Variants in KIRREL2 observed in about 807,000 individuals in gnomAD.
KIRREL2 encodes kin of IRRE-like protein 2.
Under a neutral mutation model 73.4 loss-of-function variants are expected in KIRREL2, and 56 were observed. The observed-to-expected ratio is 0.76, with a 90% CI of 0.62 to 0.95. KIRREL2 has a LOEUF of 0.95. Ranked by LOEUF, KIRREL2 falls within the 40% of genes least tolerant of loss-of-function variation. KIRREL2 has a pLI of 0.00. For missense variants in KIRREL2, 896 were observed against 935.0 expected (o/e 0.96, Z 0.54); for synonymous variants, 407 against 404.0 (o/e 1.01, Z -0.09).
intron 2 of KIRREL2, 95 bp downstream of exon 2, chr19:35,857,589 T>G (rs1973479776): frequency 3.0e-6 from 4 of 1,313,802 alleles, no homozygotes; most frequent in Non-Finnish European, 4.2e-6. Context: ...ATTTTCAAGT[T>G]TGGGAAATTG....
upstream of KIRREL2, among the ~76,000 whole-genome samples, chr19:35,853,305 G>C (rs1216752451): frequency 6.6e-6 from 1 of 152,168 alleles, no homozygotes. Context: ...GTCTTACGTG[G>C]GAGTGCACAG....
chr19:35,855,550 A>T (rs530758085), upstream of KIRREL2, among the ~76,000 whole-genome samples: 1 of 147,790 alleles, frequency 6.8e-6, no homozygotes, highest in South Asian at 2.2e-4. Flanking sequence ...AGGCCCCCAG[A>T]TCCCTCCCCT....
At chr19:35,863,507 C>A (rs1178041119) in intron 13 of KIRREL2, among the ~76,000 whole-genome samples, 1 of 147,512 alleles carries the variant, frequency 6.8e-6, no homozygotes, top group Non-Finnish European at 1.5e-5. Flanking sequence ...GGCTGGAGTA[C>A]AGTGCTGCGA....
At chr19:35,857,605 C>T in intron 2 of KIRREL2, 111 bp downstream of exon 2, 2 of 1,146,422 alleles carry the variant, frequency 1.7e-6, no homozygotes, top group South Asian at 3.2e-5. Flanking sequence ...AATTGATGGG[C>T]TCGGGTAAAC....
rs1453720203 is a variant in KIRREL2, at chr19:35,864,708, A to T, written c.1786A>T (p.Thr596Ser). 1.2e-6 allele frequency: 2 copies of T among 1,611,340 alleles called. No homozygotes were observed. The highest frequency in any genetic ancestry group is 8.5e-7 in the Non-Finnish European group (1 of 1,177,764). ...TCTGGAGGAGGAAGGGACTCTGGAG[A>T]CCAAGGTGAGTGTTGAGAGGGGTGG... ...LVLEEEGTLE[T>S]KDPTNGYYKV... is the part of the protein sequence containing the mutation. The change falls in exon 14 of 15, where the codon ACC becomes TCC. Residue 596 changes from threonine to serine, a missense_variant. By Grantham distance (58) the Thr-to-Ser change is moderately conservative. Transcript: ENST00000360202.
chr19:35,851,410 C>A (rs1015547249), upstream of KIRREL2: 2 of 1,612,368 alleles, frequency 1.2e-6, no homozygotes, highest in Non-Finnish European at 1.7e-6. Flanking sequence ...GAAGTCAGGG[C>A]CGCAGCTTCC....
At position 35,862,910 on chromosome 19, in the gene KIRREL2, C is replaced by G. The variant is rs545728153; in HGVS notation, c.1616-17C>G. On this transcript the variant is annotated splice_polypyrimidine_tract_variant and intron_variant, in intron 12 of 14. Coordinates refer to ENST00000360202, the MANE Select transcript of KIRREL2 (RefSeq NM_199180.4). ...GACCCCGCCCATCGCTTAACTCCAC[C>G]GGTCGCTGTTTGTCAGCCTCAGCCT... 7 of 1,498,756 alleles carry G rather than the reference C, an allele frequency of 4.7e-6. No homozygotes were observed. Among genetic ancestry groups the G allele is most frequent in the Non-Finnish European group, 3.6e-6 (4 of 1,097,692 alleles). 92.8% of individuals were successfully genotyped at this position (1,498,756 alleles called of 1,614,324 possible). A position where few individuals can be genotyped will look rare whatever the true frequency, so the allele number is the denominator to read the frequency against.
Position 35,861,888 on chromosome 19 carries a change from C to T in KIRREL2, c.1374C>T (p.Arg458=), listed in dbSNP as rs1209305589. 6.2e-7 allele frequency: 1 copy of T among 1,601,246 alleles called. No individual in the cohort carries two copies. The highest frequency in any genetic ancestry group is 1.7e-5 in the Admixed American group (1 of 57,234). The change falls in exon 11 of 15, where the codon CGC becomes CGT. Residue 458 remains arginine, a synonymous_variant. Coordinates refer to ENST00000360202, the MANE Select transcript of KIRREL2 (RefSeq NM_199180.4). ...LVETFPAPES[R]GGLGPGLISV... ...AGACATTCCCTGCCCCAGAGAGCCG[C>T]GGGGGACTGGGTCCGGGCCTGATCT...
chr19:35,851,714 T>C, upstream of KIRREL2: 3 of 1,581,614 alleles, frequency 1.9e-6, no homozygotes, highest in Non-Finnish European at 2.6e-6. Context: ...AGAGGGTTTG[T>C]CTAGGGAAGG....
At position 35,858,686 on chromosome 19, in the gene KIRREL2, C is replaced by A. The variant is rs1176604255; in HGVS notation, c.362-18C>A. The A allele has an allele frequency of 4.3e-6, 7 of 1,613,358 alleles. No homozygotes were observed. Among genetic ancestry groups the A allele is most frequent in the Middle Eastern group, 1.7e-4 (1 of 5,800 alleles). ...GAGAAGATCAGGATCCATCTCTGAC[C>A]CCAAATCCACCTTGCAGTCCCCCCA... On this transcript the variant is annotated intron_variant, in intron 3 of 14. Coordinates refer to ENST00000360202, the MANE Select transcript of KIRREL2 (RefSeq NM_199180.4).
rs1351017200 is a variant in KIRREL2, at chr19:35,866,556, A to G, written c.*64A>G. 2 of 1,608,638 alleles carry G rather than the reference A, an allele frequency of 1.2e-6. No individual in the cohort carries two copies. The highest frequency in any genetic ancestry group is 2.7e-5 in the African/African-American group (2 of 74,532). The stretch of plus-strand genomic sequence containing the variant: ...CCATAATGGATTGTTCTGATTTCTG[A>G]GGAGCCAGGACAAGTTGGCGACCTT... On this transcript the variant is annotated 3_prime_UTR_variant, in exon 15 of 15. Transcript: ENST00000360202.
At chr19:35,852,374 A>G (rs1311431575), upstream of KIRREL2, among the ~76,000 whole-genome samples, 3 of 149,658 alleles carry the variant, frequency 2.0e-5, no homozygotes, top group Non-Finnish European at 4.4e-5. Context: ...TCCTTGTCTC[A>G]CTACTCACAG....
chr19:35,851,896 G>A (rs1255138723), upstream of KIRREL2: 1 of 1,455,100 alleles, frequency 6.9e-7, no homozygotes, highest in Non-Finnish European at 9.4e-7. Context: ...GCGTCTGTCT[G>A]GCTTTCTCTG....
upstream of KIRREL2, chr19:35,851,866 G>A: frequency 6.5e-7 from 1 of 1,547,140 alleles, no homozygotes; most frequent in Non-Finnish European, 8.7e-7. Context: ...GACCCCCACA[G>A]CGCCCGCTGC....
chr19:35,860,001 T>A (rs1694896609), intron 5 of KIRREL2, among the ~76,000 whole-genome samples: 1 of 152,074 alleles, frequency 6.6e-6, no homozygotes, highest in Non-Finnish European at 1.5e-5. Flanking sequence ...GCCGAGATCA[T>A]GCCACTCAGC....
upstream of KIRREL2, chr19:35,856,720 T>A: frequency 2.8e-6 from 1 of 358,892 alleles, no homozygotes; most frequent in Non-Finnish European, 5.3e-6. The surrounding 1 kb of genome is among the most constrained non-coding windows in gnomAD (Gnocchi z 5.9). Flanking sequence ...ACCCCCTCCC[T>A]CCTCGAACCC....
upstream of KIRREL2, chr19:35,851,838 C>A (rs1973273694): frequency 6.4e-7 from 1 of 1,551,132 alleles, no homozygotes; most frequent in Non-Finnish European, 8.7e-7. Flanking sequence ...CCAGGGCCAT[C>A]ACAGGTCCCC....
intron 5 of KIRREL2, 43 bp from the exon 6 acceptor site, chr19:35,860,254 G>A: frequency 6.5e-7 from 1 of 1,544,836 alleles, no homozygotes; most frequent in Non-Finnish European, 8.9e-7. Context: ...TGACGGAGGT[G>A]TTCCTGGTCC....
intron 4 of KIRREL2, 108 bp downstream of exon 4, chr19:35,858,972 C>T: frequency 7.9e-7 from 1 of 1,258,674 alleles, no homozygotes. Context: ...GGCAGAGGTT[C>T]ATGGGTTTGG....
Sources: gnomAD v4.1 joint callset for allele counts (sites outside exome capture counted in the v4.1 genomes callset) on GRCh38, gnomAD v4.1.1 for gene constraint, Gnocchi (gnomAD v3.1) non-coding constraint, MANE v1.5 for transcripts, NCBI Gene and HGNC (gene_info 2026-07-23, HGNC 2026-07-21) for gene names.